TLL2: variants seen among roughly 807,000 people sequenced by gnomAD.
The protein encoded by TLL2 is tolloid like 2.
A neutral mutation model predicts 123.0 loss-of-function variants in TLL2; 106 were observed. The observed-to-expected ratio is 0.86, with a 90% CI of 0.74 to 1.01. The LOEUF (loss-of-function observed/expected upper bound fraction) is 1.01. TLL2 is among the 50% of genes least tolerant of loss of function. The pLI, the probability that TLL2 is intolerant of heterozygous loss-of-function variation, is 0.00. For synonymous variants in TLL2, 494 were observed against 516.8 expected, an observed-to-expected ratio of 0.96 and a Z score of 0.60; for missense variants, 1,332 against 1,336.7, an observed-to-expected ratio of 1.00 and a Z score of 0.06.
Position 96,367,425 on chromosome 10 carries a change from G to A in TLL2, c.*663C>T, listed in dbSNP as rs991339872. 6 of 152,192 alleles carry A rather than the reference G, an allele frequency of 3.9e-5. No individual in the cohort carries two copies. Among genetic ancestry groups the A allele is most frequent in the Admixed American group, 2.6e-4 (4 of 15,280 alleles). 9.4% of individuals were successfully genotyped at this position (152,192 alleles called of 1,614,324 possible). ...CCTTAGCCCCCACTGCAATTAGGGA[G>A]GGGGGGAAACCAAAGGGACAAGGAG... On this transcript the variant is annotated 3_prime_UTR_variant, in exon 21 of 21. Coordinates refer to ENST00000357947, the MANE Select transcript of TLL2 (RefSeq NM_012465.4).
At chr10:96,478,586 T>G (rs893514311) in intron 2 of TLL2, among the ~76,000 whole-genome samples, 1 of 152,194 alleles carries the variant, frequency 6.6e-6, no homozygotes, top group Non-Finnish European at 1.5e-5. Context: ...ACTGCCCACA[T>G]GTCTGTCAAC....
At position 96,421,125 on chromosome 10, in the gene TLL2, G is replaced by A. The variant is rs1205636414; in HGVS notation, c.818-64C>T. The A allele has an allele frequency of 3.2e-6, 4 of 1,256,452 alleles. No individual in the cohort carries two copies. The East Asian group carries it at 7.0e-5, about 22-fold the overall frequency. The allele number at this position is 1,256,452 out of a possible 1,614,324, so 77.8% of individuals were successfully genotyped here. A position where few individuals can be genotyped will look rare whatever the true frequency, so the allele number is the denominator to read the frequency against. On this transcript the variant is annotated intron_variant, in intron 6 of 20. Transcript: ENST00000357947. ...GTCAGGCACCTGAAAGGAGGCAGAG[G>A]AAGGAGAAGGAGGGCCCATAACAAC...
chr10:96,373,000 T>C (rs1846098709), intron 19 of TLL2: 1 of 152,244 alleles, frequency 6.6e-6, no homozygotes, highest in Non-Finnish European at 1.5e-5. Flanking sequence ...AAAATATATT[T>C]TTAAAAGAGA....
intron 2 of TLL2, among the ~76,000 whole-genome samples, chr10:96,474,148 C>T (rs1359258892): frequency 6.6e-6 from 1 of 152,168 alleles, no homozygotes; most frequent in Non-Finnish European, 1.5e-5. Flanking sequence ...CCATTCTTCT[C>T]ACTGCAAATA....
At chr10:96,395,788 C>G in intron 12 of TLL2, 87 bp downstream of exon 12, 1 of 1,533,534 alleles carries the variant, frequency 6.5e-7, no homozygotes. Context: ...CTGTTTTTAG[C>G]CAAAAATGAA....
At position 96,432,833 on chromosome 10, in the gene TLL2, G is replaced by A; in HGVS notation, c.494C>T (p.Pro165Leu). The A allele has an allele frequency of 3.7e-6, 6 of 1,614,050 alleles. No individual in the cohort carries two copies. The highest frequency in any genetic ancestry group is 5.1e-6 in the Non-Finnish European group (6 of 1,179,986). ...TERIWPGGVIPYVIGGNFTGS... is the reference protein window; with the variant it reads ...TERIWPGGVILYVIGGNFTGS... ...AGTGAAGTTCCCTCCAATGACGTAG[G>A]GGATGACTCCTCCAGGCCATATCCT... Residue 165 changes from proline (P) to leucine (L), a missense_variant, in exon 4 of 21, where the codon CCC becomes CTC. Physicochemically the swap from Pro to Leu is moderately conservative, Grantham distance 98. Transcript: ENST00000357947.
intron 17 of TLL2, among the ~76,000 whole-genome samples, chr10:96,377,524 T>A (rs944555059): frequency 6.6e-6 from 1 of 152,206 alleles, no homozygotes; most frequent in Non-Finnish European, 1.5e-5. Flanking sequence ...CCTTCTCACT[T>A]CCCAAATAAG....
chr10:96,436,793 C>A (rs1163389600), intron 3 of TLL2, among the ~76,000 whole-genome samples: 4 of 151,902 alleles, frequency 2.6e-5, no homozygotes, highest in Non-Finnish European at 5.9e-5. Context: ...TCAAGCCATC[C>A]TCCCCCCTCA....
intron 2 of TLL2, among the ~76,000 whole-genome samples, chr10:96,468,209 G>A (rs181327243): frequency 2.0e-5 from 3 of 152,208 alleles, no homozygotes; most frequent in South Asian, 2.1e-4. Context: ...TCCCCAGCAC[G>A]CCTTGTCAGC....
chr10:96,417,278 C>G (rs55759070), intron 7 of TLL2, among the ~76,000 whole-genome samples: 1,751 of 152,274 alleles, frequency 0.011, 34 homozygotes, highest in African/African-American at 0.04. Flanking sequence ...CATAGAAAAG[C>G]TCCCAGTAAA....
intron 13 of TLL2, among the ~76,000 whole-genome samples, chr10:96,394,923 C>T (rs1326333513): frequency 6.6e-6 from 1 of 152,364 alleles, no homozygotes; most frequent in Admixed American, 6.5e-5. Context: ...AGTTTCACTA[C>T]CGTGTAGTTT....
chr10:96,384,410 A>G (rs897526741), intron 16 of TLL2, among the ~76,000 whole-genome samples, 177 bp downstream of exon 16: 6 of 152,194 alleles, frequency 3.9e-5, no homozygotes, highest in African/African-American at 1.4e-4. Context: ...AAACTAACAC[A>G]GCCACCAATA....
chr10:96,372,677 G>A (rs1161228821), intron 19 of TLL2, among the ~76,000 whole-genome samples: 1 of 152,134 alleles, frequency 6.6e-6, no homozygotes, highest in Non-Finnish European at 1.5e-5. Flanking sequence ...GGGATAAAAG[G>A]GCTGTTTTCA....
In TLL2 at chr10:96,365,898, T is replaced by C. The variant is rs1209887850; in HGVS notation, c.*2190A>G. On this transcript the variant is annotated 3_prime_UTR_variant, in exon 21 of 21. Coordinates refer to ENST00000357947, the MANE Select transcript of TLL2 (RefSeq NM_012465.4). ...TGACAATTGTTGAAGCTGTGTGTTT[T>C]TGAAAATGTTCATACTAAAGAGATA... 6.6e-6 allele frequency: 1 copy of C among 152,224 alleles called. No individual in the cohort carries two copies. Among genetic ancestry groups the C allele is most frequent in the African/African-American group, 2.4e-5 (1 of 41,458 alleles). The allele number at this position is 152,224 out of a possible 1,614,324, so 9.4% of individuals were successfully genotyped here.
intron 13 of TLL2, among the ~76,000 whole-genome samples, chr10:96,388,544 G>A (rs376581277): frequency 1.1e-4 from 17 of 152,292 alleles, no homozygotes; most frequent in African/African-American, 2.2e-4. Context: ...TTTCAGTAAC[G>A]TTCTGGAGAG....
chr10:96,480,689 TAA>T (rs1273630410), intron 1 of TLL2, among the ~76,000 whole-genome samples: 4 of 152,158 alleles, frequency 2.6e-5, no homozygotes, highest in African/African-American at 9.7e-5. Context: ...ATCCAAATCC[TAA>T]GTCTGTAAGG....
At chr10:96,409,410 C>A (rs780642741) in intron 9 of TLL2, among the ~76,000 whole-genome samples, 2 of 152,210 alleles carry the variant, frequency 1.3e-5, no homozygotes, top group Non-Finnish European at 2.9e-5. Flanking sequence ...ACCTAGGGAA[C>A]AGGGTTTCTC....
At chr10:96,448,222 GCAGCTGCCGGGTGTT>G (rs1344153350) in intron 2 of TLL2, among the ~76,000 whole-genome samples, 1 of 152,204 alleles carries the variant, frequency 6.6e-6, no homozygotes. Context: ...CACACTCCCT[GCAGCTGCCGGGTGTT>G]CGCTGCCAGC....
rs140322359 is a variant in TLL2, at chr10:96,473,397, T to C, written c.286+6952A>G. On this transcript the variant is annotated intron_variant, in intron 2 of 20. Transcript: ENST00000357947. ...TTGAACCAGAGATCATGCCACTGCA[T>C]TCCAGCCTGGGCAACAGAGAGAGAC... Among the ~76,000 whole-genome samples the C allele has an allele frequency of 5.9e-3, 892 of 152,116 alleles. 13 individuals are homozygous for C. Among genetic ancestry groups the C allele is most frequent in the African/African-American group, 0.02 (846 of 41,520 alleles).
Sources: gnomAD v4.1 joint callset for allele counts (sites outside exome capture counted in the v4.1 genomes callset) on GRCh38, gnomAD v4.1.1 for gene constraint, MANE v1.5 for transcripts, NCBI Gene and HGNC (gene_info 2026-07-23, HGNC 2026-07-21) for gene names.